Variants in SPOCK1 observed in about 807,000 individuals in gnomAD.
The protein encoded by SPOCK1 is testican-1.
SPOCK1 carries 23 observed loss-of-function variants against 55.3 expected under a neutral mutation model. The observed-to-expected ratio is 0.42, with a 90% confidence interval of 0.30 to 0.59. SPOCK1 has a LOEUF of 0.59. Among genes scored for constraint, SPOCK1 ranks in the 20% least tolerant of loss-of-function variants. The probability of loss-of-function intolerance (pLI) is 0.22; values close to 1 mark genes in which losing one functional copy is unlikely to be tolerated. For missense variants in SPOCK1, 499 were observed against 552.5 expected (o/e 0.90, Z 0.97); for synonymous variants, 226 against 221.0 (o/e 1.02, Z -0.20).
intron 2 of SPOCK1, among the ~76,000 whole-genome samples, chr5:137,474,591 A>C (rs1396624956): frequency 1.3e-5 from 2 of 152,214 alleles, no homozygotes; most frequent in Admixed American, 6.5e-5. Context: ...GATTCTTTGG[A>C]TCTGATTCCA....
At chr5:137,208,713 G>A (rs1017320722) in intron 3 of SPOCK1, among the ~76,000 whole-genome samples, 8 of 152,122 alleles carry the variant, frequency 5.3e-5, no homozygotes, top group African/African-American at 1.9e-4. Flanking sequence ...CTACAGGTGG[G>A]AGGGAGGAAA....
chr5:137,292,727 T>C (rs1174133354), intron 2 of SPOCK1, among the ~76,000 whole-genome samples: 2 of 150,750 alleles, frequency 1.3e-5, no homozygotes, highest in Non-Finnish European at 3.0e-5. Context: ...AAATGGTATT[T>C]TACTACCTGT....
intron 6 of SPOCK1, among the ~76,000 whole-genome samples, chr5:137,065,610 C>T (rs901931278): frequency 6.6e-6 from 1 of 152,156 alleles, no homozygotes; most frequent in African/African-American, 2.4e-5. Context: ...ACTAAAGGAA[C>T]TGATGAGGAA....
At chr5:137,279,444 G>A (rs532845765) in intron 2 of SPOCK1, among the ~76,000 whole-genome samples, 2 of 152,326 alleles carry the variant, frequency 1.3e-5, no homozygotes, top group South Asian at 4.1e-4. Context: ...GTTCTTGAAG[G>A]ACAGTTTTCC....
chr5:137,012,608 G>A (rs186785201), intron 6 of SPOCK1, among the ~76,000 whole-genome samples: 9 of 152,216 alleles, frequency 5.9e-5, no homozygotes, highest in African/African-American at 9.6e-5. Context: ...CTGATTCCAG[G>A]TCCCAAACTC....
chr5:137,331,903 A>G (rs376841175), intron 2 of SPOCK1, among the ~76,000 whole-genome samples: 13 of 152,138 alleles, frequency 8.5e-5, no homozygotes, highest in African/African-American at 2.2e-4. Context: ...CCCCAGACCC[A>G]TCATTGACCT....
intron 2 of SPOCK1, among the ~76,000 whole-genome samples, chr5:137,291,155 A>G (rs1757362256): frequency 1.3e-5 from 2 of 152,140 alleles, no homozygotes; most frequent in Non-Finnish European, 2.9e-5. Context: ...GATCTATAGA[A>G]TAGGAAATCC....
At chr5:137,302,369 A>G (rs1289964480) in intron 2 of SPOCK1, among the ~76,000 whole-genome samples, 2 of 150,650 alleles carry the variant, frequency 1.3e-5, no homozygotes, top group Non-Finnish European at 2.9e-5. Flanking sequence ...GGAGATTGAG[A>G]CCATCCTGGC....
At chr5:137,351,082 A>G (rs190309488) in intron 2 of SPOCK1, among the ~76,000 whole-genome samples, 5 of 152,182 alleles carry the variant, frequency 3.3e-5, no homozygotes, top group African/African-American at 1.2e-4. Flanking sequence ...AGTTATAAAA[A>G]CAATCCTGAC....
chr5:137,007,272 A>C (rs1381645665), intron 6 of SPOCK1, among the ~76,000 whole-genome samples: 1 of 152,210 alleles, frequency 6.6e-6, no homozygotes, highest in African/African-American at 2.4e-5. Flanking sequence ...AATTGCAACA[A>C]AAGCCAAAAT....
chr5:137,318,969 T>C (rs1432331855), intron 2 of SPOCK1, among the ~76,000 whole-genome samples: 1 of 152,232 alleles, frequency 6.6e-6, no homozygotes, highest in Non-Finnish European at 1.5e-5. Context: ...ATAGATGTCA[T>C]TCTATCCAGG....
intron 2 of SPOCK1, among the ~76,000 whole-genome samples, chr5:137,452,884 AG>A (rs1439830234): frequency 6.6e-6 from 1 of 152,166 alleles, no homozygotes; most frequent in African/African-American, 2.4e-5. Context: ...TCCTGGTGCT[AG>A]TATCAAAGCG....
chr5:137,213,520 C>G (rs1202124227), intron 3 of SPOCK1, among the ~76,000 whole-genome samples: 1 of 152,196 alleles, frequency 6.6e-6, no homozygotes, highest in Non-Finnish European at 1.5e-5. Context: ...GAAACAAACT[C>G]AAGTCACATT....
intron 2 of SPOCK1, among the ~76,000 whole-genome samples, chr5:137,340,906 T>C (rs544673213): frequency 6.7e-6 from 1 of 149,472 alleles, no homozygotes; most frequent in East Asian, 2.0e-4. Flanking sequence ...AGGAAGAAGA[T>C]TGAGGCCCAC....
At chr5:137,188,038 C>T (rs997614993) in intron 3 of SPOCK1, among the ~76,000 whole-genome samples, 1 of 152,202 alleles carries the variant, frequency 6.6e-6, no homozygotes, top group East Asian at 1.9e-4. Context: ...TCTTGCTTAG[C>T]AGCAGTGTAG....
chr5:137,179,499 G>C (rs1754925311), intron 3 of SPOCK1, among the ~76,000 whole-genome samples: 1 of 152,124 alleles, frequency 6.6e-6, no homozygotes, highest in Non-Finnish European at 1.5e-5. Context: ...ACCACCCTAG[G>C]CACTTGGAAA....
intron 2 of SPOCK1, among the ~76,000 whole-genome samples, chr5:137,439,365 A>G (rs567160564): frequency 2.0e-5 from 3 of 152,320 alleles, no homozygotes; most frequent in South Asian, 4.1e-4. Flanking sequence ...TGAGGACACC[A>G]AAGTGTAAAC....
chr5:137,233,108 G>A (rs1561479215), intron 3 of SPOCK1, among the ~76,000 whole-genome samples: 1 of 152,184 alleles, frequency 6.6e-6, no homozygotes, highest in Non-Finnish European at 1.5e-5. Context: ...TTTGGCACCA[G>A]GGACTTGTTT....
In SPOCK1 at chr5:137,302,580, A is replaced by AAATG. The variant is rs1425756929; in HGVS notation, c.187-35526_187-35525insCATT. 5.2e-4 allele frequency among the ~76,000 whole-genome samples: 13 copies of AAATG among 25,058 alleles called. No individual in the cohort carries two copies. In the East Asian group the frequency reaches 0.011, roughly 22 times the overall value. 16.4% of individuals were successfully genotyped at this position (25,058 alleles called of 152,430 possible). A position where few individuals can be genotyped will look rare whatever the true frequency, so the allele number is the denominator to read the frequency against. On this transcript the variant is annotated intron_variant, in intron 2 of 10. Transcript: ENST00000394945. ...CAACAGAGTGAGACTCCATCTCAAAAAATAAATAAATAAATAAATAAATAA... is the reference window on the plus strand; with the variant it reads ...CAACAGAGTGAGACTCCATCTCAAAAAATGAATAAATAAATAAATAAATAAATAA...
Sources: gnomAD v4.1 joint callset for allele counts (sites outside exome capture counted in the v4.1 genomes callset) on GRCh38, gnomAD v4.1.1 for gene constraint, MANE v1.5 for transcripts, NCBI Gene and HGNC (gene_info 2026-07-23, HGNC 2026-07-21) for gene names.